Variants in RASEF observed in about 807,000 individuals in gnomAD.
RASEF encodes ras and EF-hand domain-containing protein.
Under a neutral mutation model 90.1 loss-of-function variants are expected in RASEF, and 68 were observed. The ratio of observed to expected loss-of-function variants is 0.75; its 90% CI spans 0.62 to 0.92. The LOEUF is 0.92. Among genes scored for constraint, RASEF ranks in the 40% least tolerant of loss-of-function variants. The pLI is 0.00. For missense variants in RASEF, 949 were observed against 937.2 expected, an observed-to-expected ratio of 1.01 and a Z score of -0.16; for synonymous variants, 331 against 345.2, an observed-to-expected ratio of 0.96 and a Z score of 0.46.
In RASEF at chr9:82,982,805, C is replaced by CAGAGAGAGAGAGAGAG. The variant is rs60689330; in HGVS notation, c.2118-39_2118-24dup. 7.6e-6 allele frequency: 7 copies of CAGAGAGAGAGAGAGAG among 917,072 alleles called. No homozygotes were observed. In the African/African-American group the frequency reaches 1.2e-4, roughly 16 times the overall value. The allele number at this position is 917,072 out of a possible 1,614,324, so 56.8% of individuals were successfully genotyped here. A position where few individuals can be genotyped will look rare whatever the true frequency, so the allele number is the denominator to read the frequency against. ...TCTCTGAGACAGAGATAGAGAGAGA[C>CAGAGAGAGAGAGAGAG]AGAGAGAGAGAGAGAGAGAGAGAGA... On this transcript the variant is annotated intron_variant, in intron 16 of 16. Coordinates refer to ENST00000376447, the MANE Select transcript of RASEF (RefSeq NM_152573.4).
At chr9:83,129,932 T>C in the RASEF span, among the ~76,000 whole-genome samples, 3 of 152,242 alleles carry the variant, frequency 2.0e-5, no homozygotes, top group Non-Finnish European at 4.4e-5. Context: ...TATTTTGTTA[T>C]AGGAATGACT....
the RASEF span, among the ~76,000 whole-genome samples, chr9:83,086,769 A>T: frequency 6.6e-6 from 1 of 152,240 alleles, no homozygotes; most frequent in East Asian, 1.9e-4. Context: ...TCATGAGAAG[A>T]CTGCTGGCTT....
the RASEF span, among the ~76,000 whole-genome samples, chr9:83,123,501 TC>T: frequency 3.9e-5 from 6 of 152,264 alleles, no homozygotes; most frequent in Non-Finnish European, 8.8e-5. Context: ...TGGTTAATCC[TC>T]ACTTCTCCTA....
chr9:83,062,426 C>T lies in RASEF; in HGVS notation c.431+11G>A. Reference sequence around the variant, plus strand: ...CCAGAATAACCTCCCGCCCCCAGCTCACACTCGCACCTGGGAATGAACTTG... The same window carrying T: ...CCAGAATAACCTCCCGCCCCCAGCTTACACTCGCACCTGGGAATGAACTTG... On this transcript the variant is annotated intron_variant, in intron 1 of 16. Coordinates refer to ENST00000376447, the MANE Select transcript of RASEF (RefSeq NM_152573.4). 6.2e-7 allele frequency: 1 copy of T among 1,612,302 alleles called. No individual in the cohort carries two copies. The highest frequency in any genetic ancestry group is 2.2e-5 in the East Asian group (1 of 44,772).
intron 16 of RASEF, among the ~76,000 whole-genome samples, chr9:82,989,222 A>ACG (rs1554704891): frequency 6.6e-6 from 1 of 151,390 alleles, no homozygotes; most frequent in Non-Finnish European, 1.5e-5. Context: ...GTATGTGTGC[A>ACG]TGTGTGCGTG....
At chr9:83,152,006 C>T in the RASEF span, among the ~76,000 whole-genome samples, 1 of 152,172 alleles carries the variant, frequency 6.6e-6, no homozygotes, top group Non-Finnish European at 1.5e-5. Context: ...GCTGTTTGTG[C>T]TGGTGTTTGT....
At chr9:83,157,403 A>G in the RASEF span, among the ~76,000 whole-genome samples, 2 of 152,112 alleles carry the variant, frequency 1.3e-5, no homozygotes, top group Non-Finnish European at 2.9e-5. Context: ...TTGGTTTGTT[A>G]CTGTAGGGAT....
At chr9:83,194,299 C>T in the RASEF span, among the ~76,000 whole-genome samples, 2 of 152,164 alleles carry the variant, frequency 1.3e-5, no homozygotes, top group Non-Finnish European at 2.9e-5. Flanking sequence ...TTTTTCATGA[C>T]CTTGACACTT....
At chr9:83,074,211 AAAG>A in the RASEF span, among the ~76,000 whole-genome samples, 3 of 152,202 alleles carry the variant, frequency 2.0e-5, no homozygotes, top group African/African-American at 2.4e-5. Context: ...CAACAACAAA[AAAG>A]AAGATGAAAA....
intron 1 of RASEF, among the ~76,000 whole-genome samples, chr9:83,046,959 T>C (rs1829943937): frequency 9.1e-6 from 1 of 109,818 alleles, no homozygotes; most frequent in African/African-American, 3.2e-5. Context: ...TTAAAATACA[T>C]AATTGATCAA....
the RASEF span, among the ~76,000 whole-genome samples, chr9:83,209,100 G>T: frequency 6.6e-6 from 1 of 152,222 alleles, no homozygotes; most frequent in Non-Finnish European, 1.5e-5. Context: ...TCCCAGTATT[G>T]CTCTGCTTCT....
chr9:83,062,713 T>G lies in RASEF; in HGVS notation c.155A>C (p.Gln52Pro). ...GCCGTCACGGTCGGCGTCCAGCCGC[T>G]GGAATACTGCCTCGGCGTCGGCCGG... is the stretch of plus-strand genomic sequence containing the variant. ...VRPADAEAVF[Q>P]RLDADRDGAI... The change falls in exon 1 of 17, where the codon CAG (glutamine) becomes CCG (proline). Residue 52 changes from glutamine to proline, a missense_variant. Transcript: ENST00000376447. The G allele has an allele frequency of 6.3e-7, 1 of 1,579,348 alleles. No individual in the cohort carries two copies. Among genetic ancestry groups the G allele is most frequent in the Non-Finnish European group, 8.5e-7 (1 of 1,171,350 alleles).
intron 10 of RASEF, 116 bp downstream of exon 10, chr9:83,000,780 C>A: frequency 1.0e-6 from 1 of 995,022 alleles, no homozygotes; most frequent in Middle Eastern, 2.9e-4. Flanking sequence ...ATTTTACTAA[C>A]TATGCTTTAC....
At chr9:83,011,764 C>T (rs1829251402) in intron 5 of RASEF, among the ~76,000 whole-genome samples, 1 of 151,892 alleles carries the variant, frequency 6.6e-6, no homozygotes, top group South Asian at 2.1e-4. Flanking sequence ...ACAAGAATGT[C>T]ATTATCCAAA....
the RASEF span, among the ~76,000 whole-genome samples, chr9:83,195,579 C>T: frequency 6.6e-6 from 1 of 152,128 alleles, no homozygotes; most frequent in East Asian, 1.9e-4. Flanking sequence ...AGTGGAAAAA[C>T]AGACAAGAAA....
Position 83,062,814 on chromosome 9 carries a change from G to A in RASEF, c.54C>T (p.Ala18=), listed in dbSNP as rs1353719716. The A allele has an allele frequency of 6.4e-7, 1 of 1,555,086 alleles. No individual in the cohort carries two copies. Among genetic ancestry groups the A allele is most frequent in the Non-Finnish European group, 8.6e-7 (1 of 1,161,310 alleles). ...GCCCCGAGCGGTTCGCGTCGCAGGC[G>A]GCGAAGACTGAGCGCAGCCGGGCCA... The part of the protein sequence containing the change: ...EELARLRSVF[A]ACDANRSGRL... Residue 18 remains alanine (A), a synonymous_variant, in exon 1 of 17, where the codon GCC becomes GCT. Coordinates refer to ENST00000376447, the MANE Select transcript of RASEF (RefSeq NM_152573.4).
the RASEF span, among the ~76,000 whole-genome samples, chr9:83,098,649 A>G: frequency 6.6e-6 from 1 of 152,206 alleles, no homozygotes; most frequent in East Asian, 1.9e-4. Context: ...GGTTTAATTG[A>G]CTCACAGTGT....
At chr9:83,189,557 T>C in the RASEF span, among the ~76,000 whole-genome samples, 1 of 152,362 alleles carries the variant, frequency 6.6e-6, no homozygotes, top group East Asian at 1.9e-4. Context: ...CTAAACCATG[T>C]ATTCTTTGAA....
At chr9:83,049,247 A>G (rs1829995783) in intron 1 of RASEF, 1 of 866,956 alleles carries the variant, frequency 1.2e-6, no homozygotes, top group East Asian at 1.2e-4. Context: ...CAACAGCATC[A>G]GTACATTTCT....
Sources: gnomAD v4.1 joint callset for allele counts (sites outside exome capture counted in the v4.1 genomes callset) on GRCh38, gnomAD v4.1.1 for gene constraint, MANE v1.5 for transcripts, NCBI Gene and HGNC (gene_info 2026-07-23, HGNC 2026-07-21) for gene names.